PIEZO1: variants seen among roughly 807,000 people sequenced by gnomAD.
PIEZO1 encodes the protein piezo type mechanosensitive ion channel component 1 (Er blood group).
In PIEZO1, 296 loss-of-function variants were observed where a neutral mutation model predicts 297.2. The ratio of observed to expected loss-of-function variants is 1.00; its 90% CI spans 0.91 to 1.10. PIEZO1 has a LOEUF of 1.10. PIEZO1 is among the 50% of genes least tolerant of loss of function. The pLI is 0.00. For synonymous variants in PIEZO1, 2,427 were observed against 1,507.5 expected (o/e 1.61, Z -14.13); for missense variants, 5,018 against 3,455.5 (o/e 1.45, Z -11.34).
chr16:88,737,870 G>A (rs1905348035), intron 8 of PIEZO1, 56 bp from the exon 9 acceptor site: 2 of 1,532,530 alleles, frequency 1.3e-6, no homozygotes, highest in Non-Finnish European at 1.7e-6. Context: ...CCAGAGGCAG[G>A]AGGTCCTGAG....
At position 88,733,646 on chromosome 16, in the gene PIEZO1, A is replaced by G. The variant is rs1905021062; in HGVS notation, c.2429T>C (p.Leu810Pro). 6.5e-7 allele frequency: 1 copy of G among 1,549,626 alleles called. No individual in the cohort carries two copies. Among genetic ancestry groups the G allele is most frequent in the Non-Finnish European group, 8.7e-7 (1 of 1,146,556 alleles). The change falls in exon 18 of 51, where the codon CTG becomes CCG. Residue 810 changes from leucine (L) to proline (P), a missense_variant. Coordinates refer to ENST00000301015, the MANE Select transcript of PIEZO1 (RefSeq NM_001142864.4). Reference sequence around the variant, plus strand: ...CACCAGCTTGAAAACGTGAAGCTCCAGCAGCCGCCGCAGGAACACCTGCAC... The same window carrying G: ...CACCAGCTTGAAAACGTGAAGCTCCGGCAGCCGCCGCAGGAACACCTGCAC... ...SRVQVFLRRLLELHVFKLVAL... is the reference protein window; with the variant it reads ...SRVQVFLRRLPELHVFKLVAL...
chr16:88,730,676 C>T (rs1026896611), intron 22 of PIEZO1, among the ~76,000 whole-genome samples: 19 of 152,018 alleles, frequency 1.2e-4, no homozygotes, highest in Middle Eastern at 3.4e-3. Context: ...AAGGGATGCT[C>T]CTGCCTCAGC....
At chr16:88,734,271 G>C in intron 16 of PIEZO1, 85 bp downstream of exon 16, 7 of 1,296,626 alleles carry the variant, frequency 5.4e-6, no homozygotes, top group Non-Finnish European at 7.2e-6. Context: ...GGAAGATGTG[G>C]CTCCTGTCCA....
intron 44 of PIEZO1, chr16:88,717,775 A>G (rs1330192141): frequency 4.4e-6 from 2 of 450,854 alleles, no homozygotes; most frequent in South Asian, 3.2e-5. Context: ...AATACAGAGA[A>G]TTCTTCCAAT....
intron 1 of PIEZO1, among the ~76,000 whole-genome samples, chr16:88,764,078 T>A (rs1027866291): frequency 5.3e-5 from 8 of 151,984 alleles, no homozygotes; most frequent in Non-Finnish European, 1.2e-4. Flanking sequence ...AGGGAAGGCT[T>A]CCCCGGGGGG....
chr16:88,723,331 G>A lies in PIEZO1; in HGVS notation c.4336-3C>T. The A allele has an allele frequency of 6.5e-7, 1 of 1,537,468 alleles. No homozygotes were observed. Among genetic ancestry groups the A allele is most frequent in the African/African-American group, 1.4e-5 (1 of 73,158 alleles). ...GTCACCCATGCCTGGTACGCCAGCT[G>A]TCGGCCAGCCCCCGGGTTAGGACCC... On this transcript the variant is annotated splice_polypyrimidine_tract_variant and splice_region_variant and intron_variant, in intron 31 of 50. Coordinates refer to ENST00000301015, the MANE Select transcript of PIEZO1 (RefSeq NM_001142864.4).
rs917866420 is a variant in PIEZO1 at position 88,731,848 on chromosome 16, G to T, written c.3054C>A (p.His1018Gln). 23 of 1,382,826 alleles carry T rather than the reference G, an allele frequency of 1.7e-5. No homozygotes were observed. Among genetic ancestry groups the T allele is most frequent in the African/African-American group, 4.9e-5 (2 of 40,616 alleles). 85.7% of individuals were successfully genotyped at this position (1,382,826 alleles called of 1,614,324 possible). Residue 1018 changes from histidine (H) to glutamine (Q), a missense_variant, in exon 22 of 51, where the codon CAC becomes CAA. By Grantham distance (24) the His-to-Gln change is conservative. Coordinates refer to ENST00000301015, the MANE Select transcript of PIEZO1 (RefSeq NM_001142864.4). ...GQRMNFLVTL[H>Q]GCWLVAILTR... ...TGAGGATGGCCACCAGCCAGCAACC[G>T]TGCAGGGTCACCAGAAAGTTCATGC...
intron 22 of PIEZO1, 93 bp downstream of exon 22, chr16:88,731,613 G>A: frequency 3.2e-6 from 3 of 929,542 alleles, no homozygotes; most frequent in Non-Finnish European, 5.0e-6. Flanking sequence ...AAGTCTAGGA[G>A]GGTGGACAGG....
chr16:88,717,107 G>A lies in PIEZO1; in HGVS notation c.6576C>T (p.Leu2192=), dbSNP rs139674798. The change falls in exon 45 of 51, where the codon CTC becomes CTT. Residue 2192 remains leucine (L), a synonymous_variant. Coordinates refer to ENST00000301015, the MANE Select transcript of PIEZO1 (RefSeq NM_001142864.4). ...FLIAIIWFPL[L]FMSLVRSVVG... ...CCACGGAGCGCACCAGCGACATGAAGAGCAGTGGGAACCAGATGATGGCGA... is the reference window on the plus strand; with the variant it reads ...CCACGGAGCGCACCAGCGACATGAAAAGCAGTGGGAACCAGATGATGGCGA... 6.4e-7 allele frequency: 1 copy of A among 1,551,398 alleles called. No homozygotes were observed. The highest frequency in any genetic ancestry group is 8.7e-7 in the Non-Finnish European group (1 of 1,147,158).
In PIEZO1 at chr16:88,726,620, C is replaced by A; in HGVS notation, c.3723G>T (p.Glu1241Asp). ...MLSLLACVFVEQMQTGFCWVI... is the reference protein window; with the variant it reads ...MLSLLACVFVDQMQTGFCWVI... Reference sequence around the variant, plus strand: ...CCCAGCAGAAGCCGGTCTGCATCTGCTCCACGAAGACGCAGGCCAGGAGCT... The same window carrying A: ...CCCAGCAGAAGCCGGTCTGCATCTGATCCACGAAGACGCAGGCCAGGAGCT... Residue 1241 changes from glutamate (E) to aspartate (D), a missense_variant, in exon 26 of 51, where the codon GAG (glutamate) becomes GAT (aspartate). Physicochemically the swap from Glu to Asp is conservative, Grantham distance 45. Coordinates refer to ENST00000301015, the MANE Select transcript of PIEZO1 (RefSeq NM_001142864.4). 6.5e-7 allele frequency: 1 copy of A among 1,548,612 alleles called. No individual in the cohort carries two copies.
At chr16:88,730,589 C>A (rs1474425477) in intron 22 of PIEZO1, among the ~76,000 whole-genome samples, 1 of 107,400 alleles carries the variant, frequency 9.3e-6, no homozygotes, top group Non-Finnish European at 1.7e-5. Flanking sequence ...CAGAGCAAGA[C>A]TCCATCTCAA....
intron 2 of PIEZO1, among the ~76,000 whole-genome samples, chr16:88,746,839 G>A (rs1402663764): frequency 1.3e-5 from 2 of 152,230 alleles, no homozygotes; most frequent in Non-Finnish European, 2.9e-5. Flanking sequence ...CCCTGGGCAT[G>A]AAATATTTAC....
chr16:88,738,663 CG>C lies in PIEZO1; in HGVS notation c.538del (p.Arg180GlyfsTer26). 6.5e-7 allele frequency: 1 copy of C among 1,535,618 alleles called. No homozygotes were observed. Among genetic ancestry groups the C allele is most frequent in the African/African-American group, 1.4e-5 (1 of 73,174 alleles). On this transcript the variant is annotated frameshift_variant, in exon 6 of 51. Coordinates refer to ENST00000301015, the MANE Select transcript of PIEZO1 (RefSeq NM_001142864.4). LOFTEE classifies it high-confidence loss of function. ...GAAACGAGCGGCCAGCCGTGACCTC[CG>C]TGTAGGGGCCAGCGTTGCTGCTTCC... ...LQEAATLAPT[R>X]RSRLAARFRV...
intron 39 of PIEZO1, 92 bp from the exon 40 acceptor site, chr16:88,720,840 G>A: frequency 1.1e-5 from 15 of 1,342,866 alleles, no homozygotes; most frequent in Non-Finnish European, 1.5e-5. Flanking sequence ...CATTCTCCCT[G>A]TTTGACAGAC....
intron 1 of PIEZO1, among the ~76,000 whole-genome samples, chr16:88,780,969 G>C (rs1208145369): frequency 2.6e-5 from 4 of 152,124 alleles, no homozygotes; most frequent in Non-Finnish European, 1.5e-5. Flanking sequence ...AGAAAAAAGA[G>C]AAAAAAGCCT....
intron 1 of PIEZO1, among the ~76,000 whole-genome samples, chr16:88,752,140 T>C (rs148824578): frequency 1.3e-5 from 2 of 152,156 alleles, no homozygotes; most frequent in African/African-American, 2.4e-5. Flanking sequence ...TGCACAACAA[T>C]GCGAACATGC....
chr16:88,783,535 T>A (rs1460883477), intron 1 of PIEZO1, among the ~76,000 whole-genome samples: 1 of 152,172 alleles, frequency 6.6e-6, no homozygotes, highest in Non-Finnish European at 1.5e-5. Flanking sequence ...AGCTTTCCTG[T>A]TTCCCTCTCT....
At chr16:88,719,531 T>G (rs56655685) in intron 44 of PIEZO1, 43 bp downstream of exon 44, 1 of 1,516,746 alleles carries the variant, frequency 6.6e-7, no homozygotes, top group Non-Finnish European at 9.0e-7. Context: ...GGAGAGGGCA[T>G]ATCCCTGGCC....
Position 88,722,301 on chromosome 16 carries a change from T to G in PIEZO1, c.4872A>C (p.Ala1624=). The stretch of plus-strand genomic sequence containing the variant: ...CCTCACGCTCCCCGGGGTCGGTGAC[T>G]GCCTCCTCACTGCCACTGCGCGTGT... ...GYHTRSGSEE[A]VTDPGEREAG... The change falls in exon 36 of 51, where the codon GCA becomes GCC. Residue 1624 remains alanine (A), a synonymous_variant. Transcript: ENST00000301015. 6.5e-7 allele frequency: 1 copy of G among 1,548,282 alleles called. No homozygotes were observed. The highest frequency in any genetic ancestry group is 2.4e-5 in the East Asian group (1 of 40,906).
Sources: allele counts gnomAD v4.1 joint callset (sites outside exome capture counted in the v4.1 genomes callset), GRCh38; gene constraint gnomAD v4.1.1; transcripts MANE v1.5; gene names NCBI Gene and HGNC (gene_info 2026-07-23, HGNC 2026-07-21).